Variants in CCDC85A observed in about 807,000 individuals in gnomAD.
The protein encoded by CCDC85A is coiled-coil domain-containing protein 85A.
A neutral mutation model predicts 50.2 loss-of-function variants in CCDC85A; 38 were observed. The ratio of observed to expected loss-of-function variants is 0.76; its 90% CI spans 0.58 to 0.99. The LOEUF (loss-of-function observed/expected upper bound fraction) is 0.99. CCDC85A is among the 50% of genes least tolerant of loss of function. The pLI is 0.00. For missense variants in CCDC85A, 820 were observed against 742.0 expected, an observed-to-expected ratio of 1.11 and a Z score of -1.22; for synonymous variants, 366 against 301.4, an observed-to-expected ratio of 1.21 and a Z score of -2.22.
intron 2 of CCDC85A, 28 bp downstream of exon 2, chr2:56,193,468 T>C: frequency 6.4e-7 from 1 of 1,560,120 alleles, no homozygotes. Flanking sequence ...GGGGTGCTGC[T>C]TGGGCTGGGG....
chr2:56,211,084 G>A (rs1311495841), intron 2 of CCDC85A, among the ~76,000 whole-genome samples: 1 of 152,090 alleles, frequency 6.6e-6, no homozygotes, highest in Non-Finnish European at 1.5e-5. Flanking sequence ...GAGCATTTGA[G>A]TTAGAGATCA....
At chr2:56,374,765 T>G (rs936978442) in intron 4 of CCDC85A, among the ~76,000 whole-genome samples, 16 of 152,348 alleles carry the variant, frequency 1.1e-4, no homozygotes, top group African/African-American at 3.1e-4. Flanking sequence ...ACAATGATCG[T>G]GCCACTGCAC....
intron 2 of CCDC85A, among the ~76,000 whole-genome samples, chr2:56,234,761 T>C (rs961662946): frequency 2.0e-5 from 3 of 152,210 alleles, no homozygotes; most frequent in African/African-American, 4.8e-5. Context: ...TGATTATGTA[T>C]TCATCTTCCT....
At chr2:56,261,158 G>T (rs1020329266) in intron 2 of CCDC85A, among the ~76,000 whole-genome samples, 1 of 152,134 alleles carries the variant, frequency 6.6e-6, no homozygotes, top group African/African-American at 2.4e-5. Context: ...CTCTTAAGTG[G>T]GGATAATGAA....
chr2:56,215,004 C>A (rs528979159), intron 2 of CCDC85A, among the ~76,000 whole-genome samples: 15 of 152,046 alleles, frequency 9.9e-5, no homozygotes, highest in Non-Finnish European at 2.1e-4. Flanking sequence ...AATCCATGAA[C>A]ACAGAATGTC....
intron 2 of CCDC85A, among the ~76,000 whole-genome samples, chr2:56,237,408 C>T (rs1380886024): frequency 6.6e-6 from 1 of 152,138 alleles, no homozygotes; most frequent in Non-Finnish European, 1.5e-5. Flanking sequence ...GTTGCTTTCA[C>T]ATAACATCAT....
rs116799783 is a variant in CCDC85A at position 56,234,566 on chromosome 2, G to A, written c.1240+41126G>A. The stretch of plus-strand genomic sequence containing the variant: ...TGTATTTCATTCTTATTCCCATATC[G>A]ATTCATCTTGCAACTCCTCAGTCTT... On this transcript the variant is annotated intron_variant, in intron 2 of 5. Transcript: ENST00000407595. Among the ~76,000 whole-genome samples the A allele has an allele frequency of 5.1e-3, 779 of 151,740 alleles. 6 individuals carry two copies. Among genetic ancestry groups the A allele is most frequent in the African/African-American group, 0.018 (743 of 41,342 alleles).
Position 56,376,314 on chromosome 2 carries a change from A to G in CCDC85A, c.1572+379A>G, listed in dbSNP as rs372350365. ...AGTTAATAGTTGGTCATAATATGGAAGGATACCACAGTATTCTTTCTTGAT... is the reference window on the plus strand; with the variant it reads ...AGTTAATAGTTGGTCATAATATGGAGGGATACCACAGTATTCTTTCTTGAT... On this transcript the variant is annotated intron_variant, in intron 5 of 5. Coordinates refer to ENST00000407595, the MANE Select transcript of CCDC85A (RefSeq NM_001080433.2). Among the ~76,000 whole-genome samples the G allele has an allele frequency of 2.6e-4, 40 of 152,322 alleles. No individual in the cohort carries two copies. In the South Asian group the frequency reaches 3.5e-3, roughly 13 times the overall value.
chr2:56,343,624 T>C (rs1674483894), intron 3 of CCDC85A, among the ~76,000 whole-genome samples: 1 of 152,222 alleles, frequency 6.6e-6, no homozygotes, highest in Non-Finnish European at 1.5e-5. Flanking sequence ...AGAAAATGTT[T>C]TGTTGAGGAG....
chr2:56,269,641 C>G (rs1488774489), intron 2 of CCDC85A, among the ~76,000 whole-genome samples: 1 of 152,172 alleles, frequency 6.6e-6, no homozygotes, highest in African/African-American at 2.4e-5. Context: ...CTCTCAGGCT[C>G]ACATTCAGTT....
chr2:56,352,284 C>G (rs1409163537), intron 3 of CCDC85A, among the ~76,000 whole-genome samples: 1 of 152,078 alleles, frequency 6.6e-6, no homozygotes, highest in Non-Finnish European at 1.5e-5. Context: ...ATGTCATATA[C>G]ATAAAGATCT....
At chr2:56,376,865 T>A (rs1415534595) in intron 5 of CCDC85A, among the ~76,000 whole-genome samples, 2 of 152,224 alleles carry the variant, frequency 1.3e-5, no homozygotes, top group Non-Finnish European at 2.9e-5. Context: ...GTTTCACAAC[T>A]CTTCTTAAAA....
intron 2 of CCDC85A, among the ~76,000 whole-genome samples, chr2:56,316,489 C>A (rs1181431603): frequency 6.6e-6 from 1 of 152,072 alleles, no homozygotes; most frequent in Admixed American, 6.6e-5. Context: ...TTGTTATTTA[C>A]AAAATTGACA....
chr2:56,183,946 C>G, upstream of CCDC85A: 1 of 985,408 alleles, frequency 1.0e-6, no homozygotes. Flanking sequence ...ACGGGTGGCC[C>G]CAGCTCCAGG....
At position 56,192,538 on chromosome 2, in the gene CCDC85A, A is replaced by G; in HGVS notation, c.338A>G (p.Asp113Gly). ...QELRDLCCFL[D>G]DDRQKGKRVS... The stretch of plus-strand genomic sequence containing the variant: ...CTGAGGGACCTCTGCTGTTTCCTGG[A>G]TGATGACCGGCAGAAAGGCAAGAGG... Residue 113 changes from aspartate to glycine, a missense_variant, in exon 2 of 6, where the codon GAT becomes GGT. Asp to Gly is a moderately conservative substitution (Grantham distance 94, BLOSUM62 -1). Transcript: ENST00000407595. The surrounding 1 kb of genome is among the most constrained non-coding windows in gnomAD (Gnocchi z 4.7). 1 of 1,613,868 alleles carries G rather than the reference A, an allele frequency of 6.2e-7. No individual in the cohort carries two copies. The highest frequency in any genetic ancestry group is 8.5e-7 in the Non-Finnish European group (1 of 1,179,868).
chr2:56,190,968 A>G (rs1676271943), intron 1 of CCDC85A, among the ~76,000 whole-genome samples: 1 of 152,126 alleles, frequency 6.6e-6, no homozygotes, highest in Non-Finnish European at 1.5e-5. Context: ...TGCCATGCAT[A>G]TTCTAGGCCC....
Position 56,375,817 on chromosome 2 carries a change from G to A in CCDC85A, c.1454G>A (p.Gly485Asp). ...GIGRCLPTLP[G>D]SFRLSSGADG... ...CAAAGTTGTTGATTTTCTACTAAGG[G>A]TTCTTTTAGGTTGTCATCAGGGGCT... Residue 485 changes from glycine to aspartate, a missense_variant and splice_region_variant, in exon 5 of 6, where the codon GGT (glycine) becomes GAT (aspartate). Transcript: ENST00000407595. 6.2e-7 allele frequency: 1 copy of A among 1,613,162 alleles called. No individual in the cohort carries two copies. Among genetic ancestry groups the A allele is most frequent in the Non-Finnish European group, 8.5e-7 (1 of 1,179,592 alleles).
At chr2:56,213,147 C>A (rs954798075) in intron 2 of CCDC85A, among the ~76,000 whole-genome samples, 7 of 151,982 alleles carry the variant, frequency 4.6e-5, no homozygotes, top group East Asian at 1.9e-4. Context: ...GAAGAGCTCT[C>A]AACTGACTCT....
chr2:56,187,573 T>G (rs538766818), intron 1 of CCDC85A, among the ~76,000 whole-genome samples: 2 of 152,354 alleles, frequency 1.3e-5, no homozygotes, highest in East Asian at 1.9e-4. Context: ...TTTTCTCATC[T>G]GCTCATGGGG....
Sources: gnomAD v4.1 joint callset for allele counts (sites outside exome capture counted in the v4.1 genomes callset) on GRCh38, gnomAD v4.1.1 for gene constraint, Gnocchi (gnomAD v3.1) non-coding constraint, MANE v1.5 for transcripts, NCBI Gene and HGNC (gene_info 2026-07-23, HGNC 2026-07-21) for gene names.